The following DIP2C variants were observed in gnomAD, a reference collection of about 807,000 sequenced individuals.
DIP2C encodes DIP2 acetate--CoA ligase C (putative), also known as disco-interacting protein 2 homolog C.
In DIP2C, 33 loss-of-function variants were observed where a neutral mutation model predicts 192.4. The ratio of observed to expected loss-of-function variants is 0.17; its 90% CI spans 0.13 to 0.23. The LOEUF (loss-of-function observed/expected upper bound fraction) is 0.23, where lower values mean the gene tolerates loss of function less well. Among genes scored for constraint, DIP2C ranks in the 10% least tolerant of loss-of-function variants. DIP2C has a pLI of 1.00. For missense variants in DIP2C, 1,537 were observed against 2,110.1 expected (o/e 0.73, Z 5.32); for synonymous variants, 979 against 864.1 (o/e 1.13, Z -2.33).
intron 3 of DIP2C, among the ~76,000 whole-genome samples, chr10:449,016 A>G (rs1399172251): frequency 1.6e-5 from 2 of 127,010 alleles, no homozygotes; most frequent in Non-Finnish European, 1.7e-5. Flanking sequence ...GGACCCACTC[A>G]TCCTCATCTA....
chr10:405,282 C>T (rs1024244942), intron 9 of DIP2C, among the ~76,000 whole-genome samples: 1 of 152,166 alleles, frequency 6.6e-6, no homozygotes, highest in African/African-American at 2.4e-5. Flanking sequence ...AAAGGAAGTT[C>T]TTCTTTATCA....
At chr10:418,936 G>A in intron 6 of DIP2C, 129 bp downstream of exon 6, 1 of 1,395,208 alleles carries the variant, frequency 7.2e-7, no homozygotes. Context: ...GGCTCCCGAA[G>A]ATCTGATAAA....
chr10:348,730 G>C lies in DIP2C; in HGVS notation c.3142C>G (p.Leu1048Val). 2.5e-6 allele frequency: 4 copies of C among 1,613,720 alleles called. No individual in the cohort carries two copies. Among genetic ancestry groups the C allele is most frequent in the Non-Finnish European group, 3.4e-6 (4 of 1,179,908 alleles). ...IDLIAAFYGC[L>V]YAGCVPITVR... ...GTTATTGGCACACAGCCTGCGTACA[G>C]GCAACCATAAAACGCTGCTATCAGG... Residue 1048 changes from leucine to valine, a missense_variant, in exon 26 of 37, where the codon CTG becomes GTG. Physicochemically the swap from Leu to Val is conservative, Grantham distance 32. Transcript: ENST00000280886.
intron 1 of DIP2C, among the ~76,000 whole-genome samples, chr10:549,120 TC>T (rs772149590): frequency 5.3e-5 from 8 of 152,154 alleles, no homozygotes; most frequent in Non-Finnish European, 1.2e-4. Flanking sequence ...CATCAAGGAA[TC>T]CCTACAAATA....
rs201445995 is a variant in DIP2C at position 389,212 on chromosome 10, CA to C, written c.1597+778del. On this transcript the variant is annotated intron_variant, in intron 13 of 36. Coordinates refer to ENST00000280886, the MANE Select transcript of DIP2C (RefSeq NM_014974.3). ...GGGATCTCAGGGGCATGGGGGTTCT[CA>C]AGGGGTCTCAAAGGGCCTCAGGGTA... Among the ~76,000 whole-genome samples the C allele has an allele frequency of 4.9e-3, 740 of 151,262 alleles. 3 individuals carry two copies. The highest frequency in any genetic ancestry group is 0.014 in the Middle Eastern group (4 of 294).
chr10:661,775 G>A (rs934887560), intron 1 of DIP2C, among the ~76,000 whole-genome samples: 3 of 152,154 alleles, frequency 2.0e-5, no homozygotes, highest in East Asian at 3.8e-4. Context: ...ACCCTGGTCC[G>A]GATTTTCCCC....
intron 1 of DIP2C, among the ~76,000 whole-genome samples, chr10:687,770 C>A (rs1311424207): frequency 2.6e-5 from 4 of 152,362 alleles, no homozygotes; most frequent in African/African-American, 9.6e-5. Flanking sequence ...CAATGCCCAA[C>A]ACAGGACACC....
intron 9 of DIP2C, among the ~76,000 whole-genome samples, chr10:400,834 C>CTCACCACA (rs1405964061): frequency 8.3e-6 from 1 of 120,804 alleles, no homozygotes; most frequent in Non-Finnish European, 1.7e-5. Context: ...GTATGTGTTC[C>CTCACCACA]TCACCACATG....
At chr10:353,049 TG>T (rs1468859633) in intron 24 of DIP2C, among the ~76,000 whole-genome samples, 1 of 152,298 alleles carries the variant, frequency 6.6e-6, no homozygotes, top group East Asian at 1.9e-4. Context: ...CAACATTCAC[TG>T]GGGTTTCCGT....
At chr10:671,977 G>A (rs1272357584) in intron 1 of DIP2C, among the ~76,000 whole-genome samples, 1 of 126,996 alleles carries the variant, frequency 7.9e-6, no homozygotes, top group Non-Finnish European at 1.6e-5. Flanking sequence ...ACAGACACAC[G>A]GAAGGAGGAA....
chr10:567,489 G>A (rs948580844), intron 1 of DIP2C, among the ~76,000 whole-genome samples: 37 of 151,954 alleles, frequency 2.4e-4, no homozygotes, highest in South Asian at 4.2e-4. Context: ...CCTGCTCCCA[G>A]CCACAACACA....
intron 3 of DIP2C, among the ~76,000 whole-genome samples, chr10:468,785 C>CA (rs1214027431): frequency 6.6e-6 from 1 of 151,860 alleles, no homozygotes; most frequent in Non-Finnish European, 1.5e-5. Flanking sequence ...CAAAAACAAA[C>CA]AAAAAAAGAT....
At chr10:359,985 A>G (rs1327410404) in intron 22 of DIP2C, among the ~76,000 whole-genome samples, 2 of 152,148 alleles carry the variant, frequency 1.3e-5, no homozygotes, top group East Asian at 1.9e-4. Flanking sequence ...TCTTCTAAGA[A>G]GTCAACTTGG....
chr10:521,483 C>G (rs545944382), intron 1 of DIP2C, among the ~76,000 whole-genome samples: 9 of 152,312 alleles, frequency 5.9e-5, no homozygotes, highest in African/African-American at 2.2e-4. Flanking sequence ...CTCTCTGCCC[C>G]CCAAAGCCTG....
intron 1 of DIP2C, among the ~76,000 whole-genome samples, chr10:574,560 A>G (rs1044631641): frequency 6.6e-6 from 1 of 152,214 alleles, no homozygotes; most frequent in African/African-American, 2.4e-5. Flanking sequence ...TGATAGCCAC[A>G]GTCCAGGAAA....
At chr10:599,808 G>C (rs1396610456) in intron 1 of DIP2C, among the ~76,000 whole-genome samples, 5 of 152,140 alleles carry the variant, frequency 3.3e-5, no homozygotes, top group African/African-American at 1.2e-4. Flanking sequence ...GGGACGAGCT[G>C]TGTTTTAAGC....
chr10:314,428 C>CT (rs1455337554), intron 31 of DIP2C, among the ~76,000 whole-genome samples: 3 of 152,204 alleles, frequency 2.0e-5, no homozygotes, highest in Non-Finnish European at 2.9e-5. Flanking sequence ...TTCCAGAGTG[C>CT]TCTTCCCTCC....
intron 1 of DIP2C, among the ~76,000 whole-genome samples, chr10:580,192 A>T (rs1053481800): frequency 6.3e-4 from 95 of 151,860 alleles, no homozygotes; most frequent in African/African-American, 2.0e-3. Flanking sequence ...TGCGTAGTGT[A>T]TACATATGCA....
chr10:582,922 T>G (rs1311738145), intron 1 of DIP2C, among the ~76,000 whole-genome samples: 1 of 152,212 alleles, frequency 6.6e-6, no homozygotes, highest in East Asian at 1.9e-4. Context: ...CAAATAAAAT[T>G]TCTGATGTAT....
Sources: gnomAD v4.1 joint callset for allele counts (sites outside exome capture counted in the v4.1 genomes callset) on GRCh38, gnomAD v4.1.1 for gene constraint, MANE v1.5 for transcripts, NCBI Gene and HGNC (gene_info 2026-07-23, HGNC 2026-07-21) for gene names.